The following VWA3B variants were observed in gnomAD, a reference collection of about 807,000 sequenced individuals.
The protein encoded by VWA3B is von Willebrand factor A domain-containing protein 3B.
VWA3B carries 138 observed loss-of-function variants against 158.3 expected under a neutral mutation model. The observed-to-expected ratio is 0.87, with a 90% CI of 0.76 to 1.00. The LOEUF is 1.00. Ranked by LOEUF, VWA3B falls within the 50% of genes least tolerant of loss-of-function variation. The pLI is 0.00. For synonymous variants in VWA3B, 596 were observed against 587.3 expected, an observed-to-expected ratio of 1.01 and a Z score of -0.21; for missense variants, 1,555 against 1,565.1, an observed-to-expected ratio of 0.99 and a Z score of 0.11.
chr2:98,217,929 T>G lies in VWA3B; in HGVS notation c.1920T>G (p.Ile640Met). 1 of 1,613,704 alleles carries G rather than the reference T, an allele frequency of 6.2e-7. No homozygotes were observed. The highest frequency in any genetic ancestry group is 8.5e-7 in the Non-Finnish European group (1 of 1,179,840). Residue 640 changes from isoleucine (I) to methionine (M), a missense_variant, in exon 14 of 28, where the codon ATT becomes ATG. Ile to Met is a conservative substitution (Grantham distance 10). Transcript: ENST00000477737. The stretch of plus-strand genomic sequence containing the variant: ...TCTCCTTCAATTACAATGATGAGAT[T>G]GCAAACAGGTTTTTGAAAGAGGTTG... Reference protein sequence around the residue: ...YTISFNYNDEIANRFLKEVAA... With the variant: ...YTISFNYNDEMANRFLKEVAA...
intron 22 of VWA3B, among the ~76,000 whole-genome samples, chr2:98,280,058 G>A (rs905783428): frequency 2.6e-5 from 4 of 152,248 alleles, no homozygotes; most frequent in Non-Finnish European, 5.9e-5. Flanking sequence ...TGGCTCCCAA[G>A]TGTGGCTTTT....
chr2:98,309,741 C>T (rs1431297394), intron 26 of VWA3B, among the ~76,000 whole-genome samples: 1 of 152,228 alleles, frequency 6.6e-6, no homozygotes, highest in Admixed American at 6.5e-5. Context: ...AATCACTTCA[C>T]TTAATCTCGC....
At position 98,303,643 on chromosome 2, in the gene VWA3B, T is replaced by C; in HGVS notation, c.3421-59T>C. The C allele has an allele frequency of 3.4e-6, 5 of 1,484,088 alleles. No homozygotes were observed. In the South Asian group the frequency reaches 5.7e-5, roughly 17 times the overall value. The allele number at this position is 1,484,088 out of a possible 1,614,324, so 91.9% of individuals were successfully genotyped here. On this transcript the variant is annotated intron_variant, in intron 25 of 27. Transcript: ENST00000477737. ...AATGGGTTGAGCTAGAATAAAATTG[T>C]ATCTGAATTGTGGACATTTCTGATT...
intron 14 of VWA3B, among the ~76,000 whole-genome samples, chr2:98,219,315 T>C (rs1203716002): frequency 6.6e-6 from 1 of 151,966 alleles, no homozygotes. Flanking sequence ...ATGAAAAATA[T>C]ATAGAATGGG....
At chr2:98,216,520 C>T (rs1199959755) in intron 13 of VWA3B, among the ~76,000 whole-genome samples, 1 of 152,238 alleles carries the variant, frequency 6.6e-6, no homozygotes, top group African/African-American at 2.4e-5. Flanking sequence ...ACAAACAGAC[C>T]TCCTTCCCGG....
chr2:98,130,541 C>A (rs538604921), intron 6 of VWA3B, among the ~76,000 whole-genome samples: 2 of 152,280 alleles, frequency 1.3e-5, no homozygotes, highest in African/African-American at 4.8e-5. Flanking sequence ...TGCAGCCTTC[C>A]GCAGTGTTTG....
the VWA3B span, among the ~76,000 whole-genome samples, chr2:98,330,438 C>T: frequency 6.6e-6 from 1 of 152,146 alleles, no homozygotes. Context: ...AGAAACATCT[C>T]GTTTGCTGTT....
chr2:98,230,134 A>C lies in VWA3B; in HGVS notation c.2235A>C (p.Ser745=). 1.2e-6 allele frequency: 2 copies of C among 1,611,820 alleles called. No individual in the cohort carries two copies. Among genetic ancestry groups the C allele is most frequent in the East Asian group, 4.5e-5 (2 of 44,802 alleles). The change falls in exon 16 of 28, where the codon TCA becomes TCC. Residue 745 remains serine, a synonymous_variant. Transcript: ENST00000477737. The stretch of plus-strand genomic sequence containing the variant: ...CTGATGTCGATTCAACACAAACTTC[A>C]TCTCTGAATATGTTGAAGGGACCAT... ...PQSDVDSTQT[S]SLNMLKGPWG...
At chr2:98,244,721 A>G (rs1686282983) in intron 19 of VWA3B, among the ~76,000 whole-genome samples, 1 of 152,210 alleles carries the variant, frequency 6.6e-6, no homozygotes, top group South Asian at 2.1e-4. Flanking sequence ...ATGAAGAGGA[A>G]AGACACACAA....
the VWA3B span, among the ~76,000 whole-genome samples, chr2:98,319,443 C>G: frequency 6.6e-6 from 1 of 152,082 alleles, no homozygotes; most frequent in East Asian, 1.9e-4. Context: ...ACAAAGAACT[C>G]TTTAAAATTC....
intron 23 of VWA3B, among the ~76,000 whole-genome samples, chr2:98,295,836 G>C (rs995879289): frequency 2.6e-5 from 4 of 152,226 alleles, no homozygotes; most frequent in African/African-American, 9.6e-5. Flanking sequence ...GAAGGAGCAG[G>C]TACAGAGGCT....
chr2:98,194,333 A>G (rs1681850533), intron 11 of VWA3B, 28 bp from the exon 12 acceptor site: 3 of 1,607,064 alleles, frequency 1.9e-6, no homozygotes, highest in East Asian at 2.2e-5. Context: ...GAGTGGTTTT[A>G]TGGTTAAATA....
chr2:98,143,064 G>C (rs1264662609), intron 7 of VWA3B, among the ~76,000 whole-genome samples: 1 of 152,094 alleles, frequency 6.6e-6, no homozygotes, highest in Non-Finnish European at 1.5e-5. Context: ...TGTTTTGAGA[G>C]GGAGTCTCTC....
intron 9 of VWA3B, among the ~76,000 whole-genome samples, chr2:98,187,658 C>CTGTGTG (rs1389987333): frequency 2.5e-4 from 28 of 109,914 alleles, no homozygotes; most frequent in African/African-American, 7.9e-4. Flanking sequence ...CTCTCCGTCT[C>CTGTGTG]TGTGTCTGTG....
intron 12 of VWA3B, among the ~76,000 whole-genome samples, chr2:98,203,702 T>C (rs965855432): frequency 6.6e-6 from 1 of 152,264 alleles, no homozygotes; most frequent in Non-Finnish European, 1.5e-5. Flanking sequence ...GTATTGCACT[T>C]TTTATTTTGG....
In VWA3B at chr2:98,210,803, C is replaced by CT. The variant is rs532398148; in HGVS notation, c.1738-1124dup. 6.4e-3 allele frequency among the ~76,000 whole-genome samples: 970 copies of CT among 152,248 alleles called. 4 individuals carry two copies. Among genetic ancestry groups the CT allele is most frequent in the African/African-American group, 0.022 (925 of 41,520 alleles). ...GTGGAAGTTGAAGGGTCTGGCCTCGCTTTAGCTAGGGTGTGGGTAATGTGA... is the reference window on the plus strand; with the variant it reads ...GTGGAAGTTGAAGGGTCTGGCCTCGCTTTTAGCTAGGGTGTGGGTAATGTGA... On this transcript the variant is annotated intron_variant, in intron 12 of 27. Coordinates refer to ENST00000477737, the MANE Select transcript of VWA3B (RefSeq NM_144992.5).
chr2:98,245,689 T>A, intron 19 of VWA3B: 1 of 443,966 alleles, frequency 2.3e-6, no homozygotes, highest in Non-Finnish European at 4.5e-6. Flanking sequence ...TGTTGCTTAG[T>A]GGTATTGATT....
At chr2:98,236,968 G>A (rs1322368108) in intron 19 of VWA3B, among the ~76,000 whole-genome samples, 1 of 152,228 alleles carries the variant, frequency 6.6e-6, no homozygotes, top group Non-Finnish European at 1.5e-5. Context: ...TTGAATCCAG[G>A]AGTTTGAGAC....
At chr2:98,300,344 T>C in intron 25 of VWA3B, 128 bp downstream of exon 25, 1 of 1,384,982 alleles carries the variant, frequency 7.2e-7, no homozygotes, top group Non-Finnish European at 9.8e-7. Flanking sequence ...ACTCCCTGTG[T>C]TTTGGCTTCT....
Sources: allele counts gnomAD v4.1 joint callset (sites outside exome capture counted in the v4.1 genomes callset), GRCh38; gene constraint gnomAD v4.1.1; transcripts MANE v1.5; gene names NCBI Gene and HGNC (gene_info 2026-07-23, HGNC 2026-07-21).